NPAS3: variants seen among roughly 807,000 people sequenced by gnomAD.
NPAS3 encodes neuronal PAS domain-containing protein 3.
Under a neutral mutation model 73.1 loss-of-function variants are expected in NPAS3, and 14 were observed. The ratio of observed to expected loss-of-function variants is 0.19; its 90% CI spans 0.13 to 0.30. The LOEUF is 0.30. NPAS3 is among the 10% of genes least tolerant of loss of function. The probability of loss-of-function intolerance (pLI) is 1.00; values close to 1 mark genes in which losing one functional copy is unlikely to be tolerated. For missense variants in NPAS3, 1,096 were observed against 1,250.0 expected, an observed-to-expected ratio of 0.88 and a Z score of 1.86; for synonymous variants, 620 against 541.5, an observed-to-expected ratio of 1.14 and a Z score of -2.01.
At chr14:33,142,682 A>G (rs745968961) in intron 2 of NPAS3, among the ~76,000 whole-genome samples, 20 of 152,104 alleles carry the variant, frequency 1.3e-4, no homozygotes, top group Non-Finnish European at 5.9e-5. Context: ...TGATCTTTTT[A>G]TTGGGGAATA....
intron 6 of NPAS3, among the ~76,000 whole-genome samples, chr14:33,729,281 G>A (rs2061345937): frequency 6.6e-6 from 1 of 152,114 alleles, no homozygotes; most frequent in South Asian, 2.1e-4. Flanking sequence ...TTATGGACAC[G>A]CTGGGCCACA....
intron 1 of NPAS3, among the ~76,000 whole-genome samples, chr14:32,983,891 TTTG>T (rs1297931733): frequency 2.0e-5 from 3 of 152,072 alleles, no homozygotes; most frequent in Non-Finnish European, 2.9e-5. Flanking sequence ...CTGACTAATT[TTTG>T]TGTGTTTAGT....
intron 4 of NPAS3, among the ~76,000 whole-genome samples, chr14:33,371,784 G>T (rs2046100607): frequency 6.6e-6 from 1 of 152,114 alleles, no homozygotes; most frequent in South Asian, 2.1e-4. Flanking sequence ...GCTTAAATAT[G>T]ATGAATTTTT....
chr14:33,129,081 A>G (rs777569689), intron 2 of NPAS3, among the ~76,000 whole-genome samples: 9 of 152,052 alleles, frequency 5.9e-5, no homozygotes, highest in Admixed American at 3.9e-4. Context: ...AGGGGCCAAG[A>G]TTTCCAGTCT....
At chr14:33,173,873 G>C (rs2045488181) in intron 2 of NPAS3, among the ~76,000 whole-genome samples, 1 of 152,096 alleles carries the variant, frequency 6.6e-6, no homozygotes. Context: ...TAATTCTGTT[G>C]TATTAAAACA....
intron 6 of NPAS3, among the ~76,000 whole-genome samples, chr14:33,724,050 A>T (rs1418651123): frequency 2.0e-5 from 3 of 152,210 alleles, no homozygotes; most frequent in African/African-American, 7.2e-5. Context: ...CCTGTTAAAA[A>T]ATTTGAGCAA....
chr14:33,208,457 T>G (rs1292905719), intron 2 of NPAS3, among the ~76,000 whole-genome samples: 1 of 152,180 alleles, frequency 6.6e-6, no homozygotes, highest in African/African-American at 2.4e-5. Context: ...AGGGAAGGCA[T>G]TCAGTTGAAT....
chr14:33,392,565 CA>C (rs2138625682), intron 4 of NPAS3, among the ~76,000 whole-genome samples: 2 of 152,252 alleles, frequency 1.3e-5, no homozygotes, highest in East Asian at 3.9e-4. Flanking sequence ...AATTTATCAA[CA>C]TAAGACTTGA....
intron 4 of NPAS3, among the ~76,000 whole-genome samples, chr14:33,522,313 T>C (rs1428494305): frequency 6.6e-6 from 1 of 152,134 alleles, no homozygotes; most frequent in Non-Finnish European, 1.5e-5. Context: ...TATTTTTGTG[T>C]TTTTTTAAAA....
At position 33,617,808 on chromosome 14, in the gene NPAS3, A is replaced by G. The variant is rs146951612; in HGVS notation, c.558+57598A>G. On this transcript the variant is annotated intron_variant, in intron 5 of 11. Coordinates refer to ENST00000356141, the Ensembl canonical transcript of NPAS3. ...ACTGTTGACTATTTCTTAAAAGACA[A>G]AGACCATTCTTTCATGCCTTAAATG... 1.8e-3 allele frequency among the ~76,000 whole-genome samples: 267 copies of G among 152,276 alleles called. 10 individuals carry two copies. The East Asian group carries it at 0.043, about 25-fold the overall frequency.
chr14:33,305,219 A>G (rs1053735292), intron 3 of NPAS3, among the ~76,000 whole-genome samples: 1 of 152,108 alleles, frequency 6.6e-6, no homozygotes, highest in African/African-American at 2.4e-5. Context: ...ATAAATAATA[A>G]TATAATTATT....
At chr14:33,582,392 T>C (rs2056699848) in intron 5 of NPAS3, among the ~76,000 whole-genome samples, 1 of 152,204 alleles carries the variant, frequency 6.6e-6, no homozygotes, top group South Asian at 2.1e-4. Context: ...GAGGCTGATT[T>C]GTAGAGAAGC....
upstream of NPAS3, among the ~76,000 whole-genome samples, chr14:32,937,613 G>C (rs901850574): frequency 2.2e-4 from 34 of 152,262 alleles, no homozygotes; most frequent in African/African-American, 7.9e-4. Flanking sequence ...CCTCTACCAC[G>C]AAAAACATTT....
At chr14:32,983,681 C>T (rs911488691) in intron 1 of NPAS3, among the ~76,000 whole-genome samples, 2 of 151,978 alleles carry the variant, frequency 1.3e-5, no homozygotes, top group Admixed American at 1.3e-4. Flanking sequence ...GCACTATATT[C>T]ATGCAATTTA....
At chr14:33,385,123 CTCTTTT>C (rs1432242352) in intron 4 of NPAS3, among the ~76,000 whole-genome samples, 1 of 152,166 alleles carries the variant, frequency 6.6e-6, no homozygotes, top group East Asian at 1.9e-4. Flanking sequence ...TGCCAAGTGT[CTCTTTT>C]TCTTGTTTCA....
chr14:33,186,903 A>G (rs545086493), intron 2 of NPAS3, among the ~76,000 whole-genome samples: 2 of 152,264 alleles, frequency 1.3e-5, no homozygotes, highest in African/African-American at 4.8e-5. Context: ...TGCTACTGGC[A>G]TCTAGTGGGT....
intron 3 of NPAS3, among the ~76,000 whole-genome samples, chr14:33,276,132 C>T (rs10149935): frequency 0.021 from 3,151 of 152,094 alleles, 46 homozygotes; most frequent in Admixed American, 0.039. Context: ...ATTAGATCTT[C>T]GGTTATGTTA....
At chr14:33,200,394 A>T (rs2046569460) in intron 2 of NPAS3, among the ~76,000 whole-genome samples, 1 of 152,074 alleles carries the variant, frequency 6.6e-6, no homozygotes, top group Admixed American at 6.5e-5. Flanking sequence ...AGAGGAAACT[A>T]CTGTTAATAA....
intron 2 of NPAS3, among the ~76,000 whole-genome samples, chr14:33,124,479 G>T (rs953162858): frequency 6.6e-6 from 1 of 151,996 alleles, no homozygotes; most frequent in African/African-American, 2.4e-5. Flanking sequence ...CTCTCTAAAG[G>T]GTTGTAAGGA....
Sources: gnomAD v4.1 joint callset for allele counts (sites outside exome capture counted in the v4.1 genomes callset) on GRCh38, gnomAD v4.1.1 for gene constraint, MANE v1.5 for transcripts, NCBI Gene and HGNC (gene_info 2026-07-23, HGNC 2026-07-21) for gene names.